IFT172: variants seen among roughly 807,000 people sequenced by gnomAD.
IFT172 encodes intraflagellar transport protein 172 homolog.
In IFT172, 164 loss-of-function variants were observed where a neutral mutation model predicts 248.9. The ratio of observed to expected loss-of-function variants is 0.66; its 90% confidence interval spans 0.58 to 0.75. The LOEUF is 0.75. Among genes scored for constraint, IFT172 ranks in the 30% least tolerant of loss-of-function variants. The probability of loss-of-function intolerance (pLI) is 0.00; values close to 1 mark genes in which losing one functional copy is unlikely to be tolerated. For synonymous variants in IFT172, 729 were observed against 791.6 expected (o/e 0.92, Z 1.33); for missense variants, 1,950 against 2,192.4 (o/e 0.89, Z 2.21).
chr2:27,468,530 G>A (rs903446797), intron 16 of IFT172, among the ~76,000 whole-genome samples: 1 of 151,806 alleles, frequency 6.6e-6, no homozygotes, highest in East Asian at 1.9e-4. Context: ...CACTGTGCCC[G>A]GTCCTAAAAA....
In IFT172 at chr2:27,445,823, T is replaced by C. The variant is rs766997235; in HGVS notation, c.4836A>G (p.Leu1612=). The C allele has an allele frequency of 6.2e-7, 1 of 1,614,184 alleles. No homozygotes were observed. The highest frequency in any genetic ancestry group is 8.5e-7 in the Non-Finnish European group (1 of 1,180,024). ...DLTDAIEEGT[L]DGLDHSDFQD... Reference sequence around the variant, plus strand: ...GAAAATCAGAGTGGTCAAGGCCATCTAGAGTCCCTTCCTCGATTGCCTGCA... The same window carrying C: ...GAAAATCAGAGTGGTCAAGGCCATCCAGAGTCCCTTCCTCGATTGCCTGCA... Residue 1612 remains leucine (L), a synonymous_variant, in exon 45 of 48, where the codon CTA becomes CTG. Transcript: ENST00000260570. This position sits in a 1 kb window ranked among gnomAD's most constrained non-coding sequence, Gnocchi z 4.4.
intron 33 of IFT172, 121 bp from the exon 34 acceptor site, chr2:27,453,860 G>A (rs1023737789): frequency 5.1e-6 from 7 of 1,382,598 alleles, no homozygotes; most frequent in South Asian, 5.1e-5. Context: ...CCTCTTTCCT[G>A]TCTTCCCCAC....
chr2:27,477,121 G>T, intron 13 of IFT172, 96 bp downstream of exon 13: 1 of 1,129,132 alleles, frequency 8.9e-7, no homozygotes, highest in Non-Finnish European at 1.3e-6. Context: ...CACCACACCT[G>T]GCTGAAGCTT....
intron 10 of IFT172, 105 bp from the exon 11 acceptor site, chr2:27,478,261 C>T: frequency 1.5e-6 from 2 of 1,297,470 alleles, no homozygotes. Flanking sequence ...AAGCTAATAC[C>T]TTGTTTCTTC....
chr2:27,462,923 A>T, intron 19 of IFT172, 130 bp from the exon 20 acceptor site: 1 of 1,168,586 alleles, frequency 8.6e-7, no homozygotes, highest in Non-Finnish European at 1.2e-6. Context: ...CATGGAGCTT[A>T]AAGGTTTGAG....
chr2:27,480,673 A>G (rs1032839244), intron 8 of IFT172, among the ~76,000 whole-genome samples: 1 of 152,232 alleles, frequency 6.6e-6, no homozygotes, highest in Non-Finnish European at 1.5e-5. Context: ...GAAAAGATGA[A>G]TAATAAGCCC....
rs763826196 is a variant in IFT172, at chr2:27,453,684, TGGCTGG to T, written c.3761_3766del (p.Pro1254_Ser1255del). The T allele has an allele frequency of 1.4e-5, 23 of 1,612,396 alleles. No individual in the cohort carries two copies. Among genetic ancestry groups the T allele is most frequent in the Non-Finnish European group, 1.9e-5 (23 of 1,179,558 alleles). The stretch of plus-strand genomic sequence containing the variant: ...ATATTCTTCCTGCAGAGCCTCCAGC[TGGCTGG>T]GCACATAGTCCTTGCAGATGCGCAG... On this transcript the variant is annotated inframe_deletion, in exon 34 of 48. Transcript: ENST00000260570.
At chr2:27,482,749 T>C (rs987362902) in intron 7 of IFT172, among the ~76,000 whole-genome samples, 2 of 152,178 alleles carry the variant, frequency 1.3e-5, no homozygotes, top group Admixed American at 1.3e-4. Flanking sequence ...GGGAATAATT[T>C]TCACTTTTCA....
chr2:27,458,654 CTG>C (rs1666377722), intron 26 of IFT172, 123 bp downstream of exon 26: 1 of 1,085,752 alleles, frequency 9.2e-7, no homozygotes, highest in Non-Finnish European at 1.3e-6. Context: ...GTGGCTCAGA[CTG>C]TTTTTTGGTA....
chr2:27,458,805 C>T lies in IFT172; in HGVS notation c.2851G>A (p.Ala951Thr), dbSNP rs1306498449. 1.2e-6 allele frequency: 2 copies of T among 1,614,030 alleles called. No homozygotes were observed. Among genetic ancestry groups the T allele is most frequent in the Non-Finnish European group, 1.7e-6 (2 of 1,180,040 alleles). Residue 951 changes from alanine to threonine, a missense_variant, in exon 26 of 48, where the codon GCT (alanine) becomes ACT (threonine). Around this residue, in one of 3 missense-constraint regions of IFT172, gnomAD observed 1,166 missense variants for 1,254.1 expected, o/e 0.93. Coordinates refer to ENST00000260570, the MANE Select transcript of IFT172 (RefSeq NM_015662.3). ...TTGTGGGCTTGTTCCCAACGACCAG[C>T]CTGGGTGTACATGTCTATGGCATCT... The part of the protein sequence containing the change: ...TKDAIDMYTQ[A>T]GRWEQAHKLA...
intron 14 of IFT172, among the ~76,000 whole-genome samples, chr2:27,475,922 G>A (rs2148539625): frequency 6.6e-6 from 1 of 152,108 alleles, no homozygotes; most frequent in Non-Finnish European, 1.5e-5. Context: ...GTGAGCCACT[G>A]TGCCTGGCCC....
At position 27,477,560 on chromosome 2, in the gene IFT172, T is replaced by C; in HGVS notation, c.1220A>G (p.Asn407Ser). 1 of 1,601,022 alleles carries C rather than the reference T, an allele frequency of 6.2e-7. No individual in the cohort carries two copies. The highest frequency in any genetic ancestry group is 8.6e-7 in the Non-Finnish European group (1 of 1,167,970). ...GNEKYFFENE[N>S]VCMIFNAGEL... The stretch of plus-strand genomic sequence containing the variant: ...GATGGTGAATCAAGCTCTACTCACA[T>C]TCTCATTTTCAAAGAAATACTTCTC... The change falls in exon 12 of 48, where the codon AAT becomes AGT. Residue 407 changes from asparagine (N) to serine (S), a missense_variant and splice_region_variant. Transcript: ENST00000260570.
chr2:27,444,990 A>G, intron 47 of IFT172, 24 bp downstream of exon 47: 1 of 1,609,554 alleles, frequency 6.2e-7, no homozygotes, highest in Non-Finnish European at 8.5e-7. Context: ...CTCTGCCTTC[A>G]TTCTCCAAGT....
chr2:27,444,431 A>G lies in IFT172; in HGVS notation c.*1T>C. 1 of 1,603,876 alleles carries G rather than the reference A, an allele frequency of 6.2e-7. No homozygotes were observed. Among genetic ancestry groups the G allele is most frequent in the Non-Finnish European group, 8.5e-7 (1 of 1,171,616 alleles). The stretch of plus-strand genomic sequence containing the variant: ...CCCTAACTCTTCCTCAGCTCTACCA[A>G]CTACTGAAAGGAAAAGCTGGTGCTG... On this transcript the variant is annotated 3_prime_UTR_variant, in exon 48 of 48. Coordinates refer to ENST00000260570, the MANE Select transcript of IFT172 (RefSeq NM_015662.3).
intron 25 of IFT172, 94 bp from the exon 26 acceptor site, chr2:27,458,962 G>C (rs1244717702): frequency 1.1e-4 from 134 of 1,267,334 alleles, no homozygotes; most frequent in Non-Finnish European, 8.8e-5. Context: ...GGATGGTGGA[G>C]AGCCTGCGAT....
rs1241617744 is a variant in IFT172 at position 27,461,308 on chromosome 2, G to A, written c.2403C>T (p.His801=). ...CCCCCTTGATAAGGGCTGCAGTGAT[G>A]TGTTCTACCAGCTCTGTGTTGGCTA... The part of the protein sequence containing the change: ...ELLANTELVE[H]ITAALIKGEL... Residue 801 remains histidine (H), a synonymous_variant, in exon 22 of 48, where the codon CAC becomes CAT. Coordinates refer to ENST00000260570, the MANE Select transcript of IFT172 (RefSeq NM_015662.3). The A allele has an allele frequency of 1.7e-5, 28 of 1,614,022 alleles. No individual in the cohort carries two copies. Among genetic ancestry groups the A allele is most frequent in the Non-Finnish European group, 2.3e-5 (27 of 1,180,028 alleles).
At chr2:27,462,617 G>T in intron 20 of IFT172, 84 bp downstream of exon 20, 1 of 1,206,404 alleles carries the variant, frequency 8.3e-7, no homozygotes, top group Non-Finnish European at 1.2e-6. Context: ...TCACCAGCAC[G>T]CTTTCCTCCC....
chr2:27,469,120 G>C (rs560383974), intron 16 of IFT172, among the ~76,000 whole-genome samples: 2 of 152,162 alleles, frequency 1.3e-5, no homozygotes, highest in South Asian at 4.2e-4. Flanking sequence ...AAGGCTGGGC[G>C]CAGTGGCTCA....
intron 35 of IFT172, among the ~76,000 whole-genome samples, chr2:27,452,457 T>C (rs1262826676): frequency 6.6e-6 from 1 of 152,184 alleles, no homozygotes; most frequent in Non-Finnish European, 1.5e-5. Context: ...TTTATATACA[T>C]GTACACACAT....
Sources: allele counts gnomAD v4.1 joint callset (sites outside exome capture counted in the v4.1 genomes callset), GRCh38; gene constraint gnomAD v4.1.1; regional missense constraint gnomAD v4.1.1; non-coding constraint Gnocchi (gnomAD v3.1); transcripts MANE v1.5; gene names NCBI Gene and HGNC (gene_info 2026-07-23, HGNC 2026-07-21).